Variants in ERC1 observed in about 807,000 individuals in gnomAD.
ERC1 encodes ELKS/RAB6-interacting/CAST family member 1.
ERC1 carries 56 observed loss-of-function variants against 132.0 expected under a neutral mutation model. That is an observed-to-expected ratio of 0.42 (90% CI 0.34 to 0.53). The LOEUF (loss-of-function observed/expected upper bound fraction) is 0.53, where lower values mean the gene tolerates loss of function less well. ERC1 is among the 20% of genes least tolerant of loss of function. ERC1 has a pLI of 0.03. For synonymous variants in ERC1, 478 were observed against 476.1 expected (o/e 1.00, Z -0.05); for missense variants, 1,202 against 1,349.9 (o/e 0.89, Z 1.72).
intron 16 of ERC1, among the ~76,000 whole-genome samples, chr12:1,406,314 AT>A (rs5795969): frequency 0.11 from 16,003 of 152,084 alleles, 1,767 homozygotes; most frequent in African/African-American, 0.27. Flanking sequence ...ATCTCTGTAA[AT>A]TTTTTTTATG....
intron 1 of ERC1, among the ~76,000 whole-genome samples, chr12:1,026,767 A>AT (rs755525316): frequency 3.0e-4 from 45 of 152,192 alleles, no homozygotes; most frequent in Non-Finnish European, 5.0e-4. Flanking sequence ...AGAATTATGG[A>AT]TTTGTAATTT....
At chr12:1,167,169 G>A (rs886779719) in intron 8 of ERC1, among the ~76,000 whole-genome samples, 6 of 152,184 alleles carry the variant, frequency 3.9e-5, no homozygotes, top group Non-Finnish European at 7.4e-5. Context: ...GACAAAGATT[G>A]TTCTTAGTTG....
intron 7 of ERC1, among the ~76,000 whole-genome samples, chr12:1,128,019 G>T (rs1352175646): frequency 6.6e-6 from 1 of 152,204 alleles, no homozygotes; most frequent in Non-Finnish European, 1.5e-5. Context: ...CTTTGATTTT[G>T]TGGAGAAAGG....
At chr12:1,265,439 G>A (rs1009195255) in intron 14 of ERC1, among the ~76,000 whole-genome samples, 8 of 152,116 alleles carry the variant, frequency 5.3e-5, no homozygotes, top group Non-Finnish European at 1.0e-4. Flanking sequence ...GCAGTTTTTA[G>A]GTTTGCAGAA....
chr12:1,283,151 A>T (rs1490424937), intron 14 of ERC1, among the ~76,000 whole-genome samples: 1 of 152,130 alleles, frequency 6.6e-6, no homozygotes, highest in Non-Finnish European at 1.5e-5. Flanking sequence ...TTAGCTTGTG[A>T]TTTAAGCAAA....
chr12:1,385,585 C>T (rs1263506433), intron 16 of ERC1, among the ~76,000 whole-genome samples: 1 of 152,122 alleles, frequency 6.6e-6, no homozygotes, highest in Non-Finnish European at 1.5e-5. Flanking sequence ...GCGCCCGGCC[C>T]CTATCTATCT....
intron 12 of ERC1, among the ~76,000 whole-genome samples, chr12:1,210,954 C>T (rs2154290398): frequency 6.7e-6 from 1 of 150,024 alleles, no homozygotes; most frequent in East Asian, 2.0e-4. Context: ...GAGATTGTGC[C>T]ATGCCTAGCA....
chr12:1,093,678 G>A (rs1014635042), intron 3 of ERC1, among the ~76,000 whole-genome samples: 1 of 151,682 alleles, frequency 6.6e-6, no homozygotes, highest in Non-Finnish European at 1.5e-5. Flanking sequence ...TCAACAAACC[G>A]TATTAGTACA....
intron 17 of ERC1, among the ~76,000 whole-genome samples, chr12:1,440,667 T>TGTGA (rs2093123292): frequency 3.9e-5 from 4 of 101,726 alleles, no homozygotes; most frequent in African/African-American, 1.6e-4. Flanking sequence ...TGTGTGTGTG[T>TGTGA]GATGGAGTCT....
chr12:1,469,496 G>T (rs916290444), intron 18 of ERC1, among the ~76,000 whole-genome samples: 2 of 152,366 alleles, frequency 1.3e-5, no homozygotes, highest in East Asian at 3.9e-4. Flanking sequence ...GGACCTGGCG[G>T]TCCTTCCAGA....
chr12:1,323,683 G>C (rs965979446), intron 15 of ERC1, among the ~76,000 whole-genome samples: 2 of 152,156 alleles, frequency 1.3e-5, no homozygotes, highest in Admixed American at 1.3e-4. Flanking sequence ...GGTAGGTAAA[G>C]TATAGCAAAT....
At chr12:1,418,681 T>TCTTC (rs2092292315) in intron 17 of ERC1, among the ~76,000 whole-genome samples, 1 of 108,378 alleles carries the variant, frequency 9.2e-6, no homozygotes, top group Admixed American at 9.2e-5. Flanking sequence ...TTTCTTTCTT[T>TCTTC]CTTTCTTTCT....
At position 1,037,425 on chromosome 12, in the gene ERC1, T is replaced by C. The variant is rs1310385948; in HGVS notation, c.669+8853T>C. ...TTTTAGTTACATTAATGTTAATCAGTGGAGGTCATAGTTTCATTTTTTAAC... is the reference window on the plus strand; with the variant it reads ...TTTTAGTTACATTAATGTTAATCAGCGGAGGTCATAGTTTCATTTTTTAAC... On this transcript the variant is annotated intron_variant, in intron 2 of 18. Coordinates refer to ENST00000360905, the MANE Select transcript of ERC1 (RefSeq NM_178040.4). Among the ~76,000 whole-genome samples the C allele has an allele frequency of 3.9e-5, 6 of 152,158 alleles. No individual in the cohort carries two copies. In the South Asian group the frequency reaches 1.0e-3, roughly 26 times the overall value.
At chr12:1,183,057 TACATCA>T (rs1324668409) in intron 10 of ERC1, among the ~76,000 whole-genome samples, 1 of 152,240 alleles carries the variant, frequency 6.6e-6, no homozygotes, top group Non-Finnish European at 1.5e-5. Context: ...CAGAACTCTT[TACATCA>T]CTGTTCAATG....
At chr12:1,250,518 A>G (rs892472830) in intron 13 of ERC1, among the ~76,000 whole-genome samples, 4 of 152,226 alleles carry the variant, frequency 2.6e-5, no homozygotes, top group Admixed American at 6.5e-5. Flanking sequence ...GCATAGGTTC[A>G]TTAATTATAG....
At chr12:1,361,434 A>C (rs117688129) in intron 15 of ERC1, among the ~76,000 whole-genome samples, 4,409 of 152,266 alleles carry the variant, frequency 0.029, 88 homozygotes, top group South Asian at 0.087. Flanking sequence ...AATAAAAATT[A>C]AATTAAAAAT....
chr12:1,074,006 A>G (rs751890470), intron 2 of ERC1, among the ~76,000 whole-genome samples: 2 of 150,674 alleles, frequency 1.3e-5, no homozygotes, highest in Non-Finnish European at 3.0e-5. Flanking sequence ...CTGGGATTAC[A>G]GGCACGCACC....
intron 12 of ERC1, among the ~76,000 whole-genome samples, chr12:1,210,390 T>G (rs1566256732): frequency 6.6e-6 from 1 of 152,234 alleles, no homozygotes; most frequent in Non-Finnish European, 1.5e-5. Context: ...CTGCAGTGTT[T>G]ATCCACTGTT....
intron 15 of ERC1, among the ~76,000 whole-genome samples, chr12:1,309,660 C>G (rs1238004441): frequency 6.6e-6 from 1 of 151,622 alleles, no homozygotes; most frequent in Non-Finnish European, 1.5e-5. Flanking sequence ...AACAGACACA[C>G]ACATAGTGAA....
Sources: allele counts gnomAD v4.1 joint callset (sites outside exome capture counted in the v4.1 genomes callset), GRCh38; gene constraint gnomAD v4.1.1; transcripts MANE v1.5; gene names NCBI Gene and HGNC (gene_info 2026-07-23, HGNC 2026-07-21).